DEAF1: variants seen among roughly 807,000 people sequenced by gnomAD.
The protein encoded by DEAF1 is deformed epidermal autoregulatory factor 1 homolog.
Under a neutral mutation model 58.9 loss-of-function variants are expected in DEAF1, and 53 were observed. The observed-to-expected ratio is 0.90, with a 90% CI of 0.72 to 1.13. The LOEUF (loss-of-function observed/expected upper bound fraction) is 1.13. DEAF1 is among the 50% of genes most tolerant of loss of function. DEAF1 has a pLI of 0.00. For synonymous variants in DEAF1, 385 were observed against 340.4 expected, an observed-to-expected ratio of 1.13 and a Z score of -1.44; for missense variants, 685 against 791.4, an observed-to-expected ratio of 0.87 and a Z score of 1.61.
At chr11:691,862 C>G (rs1432913535) in intron 1 of DEAF1, among the ~76,000 whole-genome samples, 1 of 152,178 alleles carries the variant, frequency 6.6e-6, no homozygotes, top group South Asian at 2.1e-4. Flanking sequence ...ATACAACAAA[C>G]CCGCCACCCC....
At chr11:695,944 G>A, upstream of DEAF1, 1 of 963,728 alleles carries the variant, frequency 1.0e-6, no homozygotes, top group Non-Finnish European at 1.3e-6. Flanking sequence ...GCGCTCACGG[G>A]GCCGTGCCAC....
chr11:644,750 G>T lies in DEAF1; in HGVS notation c.1594-96C>A. On this transcript the variant is annotated intron_variant, in intron 11 of 11. Transcript: ENST00000382409. The surrounding 1 kb of genome is among the most constrained non-coding windows in gnomAD (Gnocchi z 4.3). Reference sequence around the variant, plus strand: ...CAGACCCCAGAGGGTGCAGCCCTCTGTAACCTCACCTGGAGGTGCTGAGAA... The same window carrying T: ...CAGACCCCAGAGGGTGCAGCCCTCTTTAACCTCACCTGGAGGTGCTGAGAA... The T allele has an allele frequency of 2.1e-6, 2 of 966,096 alleles. No individual in the cohort carries two copies. Among genetic ancestry groups the T allele is most frequent in the South Asian group, 1.4e-5 (1 of 72,776 alleles). The allele number at this position is 966,096 out of a possible 1,614,324, so 59.8% of individuals were successfully genotyped here.
At chr11:650,082 T>C (rs1010924855) in intron 11 of DEAF1, among the ~76,000 whole-genome samples, 1 of 149,706 alleles carries the variant, frequency 6.7e-6, no homozygotes, top group Non-Finnish European at 1.5e-5. Flanking sequence ...AACACTCCAA[T>C]CAAAAGGCAG....
chr11:703,370 T>G (rs1590040202), intron 1 of DEAF1: 2 of 1,389,168 alleles, frequency 1.4e-6, no homozygotes, highest in Admixed American at 3.3e-5. Context: ...GCGGGGAGGG[T>G]AGGGACCAGA....
rs1859678665 is a variant in DEAF1, at chr11:668,927, G to A, written c.1503+5609C>T. ...TGCAAGCTCTGCCTCCTGGATTCAT[G>A]CCATTCTCCTGCCTCAGCCTCCTGA... On this transcript the variant is annotated intron_variant, in intron 10 of 11. Transcript: ENST00000382409. Among the ~76,000 whole-genome samples, 3 of 152,246 alleles carry A rather than the reference G, an allele frequency of 2.0e-5. No homozygotes were observed. The South Asian group carries it at 6.2e-4, about 32-fold the overall frequency.
chr11:664,046 C>G (rs771505572), intron 10 of DEAF1, among the ~76,000 whole-genome samples: 31 of 152,022 alleles, frequency 2.0e-4, no homozygotes, highest in Non-Finnish European at 3.1e-4. Flanking sequence ...AACCCCATCT[C>G]TACTAAAAAT....
chr11:659,731 C>T (rs958907655), intron 10 of DEAF1, among the ~76,000 whole-genome samples: 3 of 152,198 alleles, frequency 2.0e-5, no homozygotes, highest in Non-Finnish European at 4.4e-5. Context: ...GTTCCAGAGG[C>T]TCCTTTCCCG....
intron 1 of DEAF1, chr11:703,111 C>T (rs758944591): frequency 1.9e-6 from 3 of 1,610,310 alleles, no homozygotes; most frequent in African/African-American, 1.3e-5. Flanking sequence ...GCCTGGAGGC[C>T]GTCCTGCAGG....
intron 1 of DEAF1, among the ~76,000 whole-genome samples, chr11:694,225 G>A (rs1032163515): frequency 2.0e-5 from 3 of 151,730 alleles, no homozygotes; most frequent in African/African-American, 7.3e-5. Flanking sequence ...GAAAAGGGGG[G>A]CAGGGGGCAG....
At chr11:704,369 C>A in intron 1 of DEAF1, 1 of 1,076,232 alleles carries the variant, frequency 9.3e-7, no homozygotes, top group Non-Finnish European at 1.3e-6. Context: ...TCTTTCCTGC[C>A]TGTCTTCGTG....
At chr11:674,857 A>G in intron 9 of DEAF1, 74 bp from the exon 10 acceptor site, 2 of 1,594,606 alleles carry the variant, frequency 1.3e-6, no homozygotes, top group Non-Finnish European at 8.5e-7. Context: ...TCCGTTAAAA[A>G]TTCTCAGCCG....
At chr11:661,698 G>A (rs1021386060) in intron 10 of DEAF1, among the ~76,000 whole-genome samples, 1 of 151,524 alleles carries the variant, frequency 6.6e-6, no homozygotes, top group African/African-American at 2.4e-5. Context: ...CAACAAGAGC[G>A]AAACTCCATC....
At position 674,568 on chromosome 11, in the gene DEAF1, C is replaced by A; in HGVS notation, c.1471G>T (p.Ala491Ser). 1 of 1,614,074 alleles carries A rather than the reference C, an allele frequency of 6.2e-7. No homozygotes were observed. Reference sequence around the variant, plus strand: ...CGCTCTGCGTCAGCGTGGATCTTGGCCTGGTTTGTGGCAGCTTCTCGGTAG... The same window carrying A: ...CGCTCTGCGTCAGCGTGGATCTTGGACTGGTTTGTGGCAGCTTCTCGGTAG... ...STYREAATNQAKIHADAERKE... is the reference protein window; with the variant it reads ...STYREAATNQSKIHADAERKE... Residue 491 changes from alanine (A) to serine (S), a missense_variant, in exon 10 of 12, where the codon GCC (alanine) becomes TCC (serine). This residue lies in a region of DEAF1 where 343 missense variants were observed against 379.8 expected (regional missense o/e 0.90). Transcript: ENST00000382409.
chr11:702,828 C>T (rs768528567), intron 1 of DEAF1: 12 of 1,010,186 alleles, frequency 1.2e-5, no homozygotes, highest in South Asian at 1.8e-5. Flanking sequence ...CCCCAGGCCC[C>T]GGAGGAACGT....
At chr11:659,182 A>G (rs1000699603) in intron 10 of DEAF1, among the ~76,000 whole-genome samples, 1 of 151,454 alleles carries the variant, frequency 6.6e-6, no homozygotes, top group African/African-American at 2.4e-5. Context: ...GCTTGAGCCC[A>G]AGAGTTTAAG....
chr11:680,615 G>C (rs976664422), intron 7 of DEAF1, among the ~76,000 whole-genome samples: 1 of 152,108 alleles, frequency 6.6e-6, no homozygotes, highest in Admixed American at 6.5e-5. Context: ...AGAGCTCTCC[G>C]CAGCCCTCGT....
At chr11:675,910 C>T (rs1241216382) in intron 9 of DEAF1, among the ~76,000 whole-genome samples, 1 of 139,598 alleles carries the variant, frequency 7.2e-6, no homozygotes, top group African/African-American at 2.6e-5. Context: ...CTGACATCCC[C>T]CCAGCACCTG....
At chr11:672,481 G>A (rs563480551) in intron 10 of DEAF1, among the ~76,000 whole-genome samples, 1 of 152,122 alleles carries the variant, frequency 6.6e-6, no homozygotes, top group Admixed American at 6.6e-5. Flanking sequence ...ATCACTGTTC[G>A]TTATGTGCTT....
intron 10 of DEAF1, among the ~76,000 whole-genome samples, chr11:658,471 T>G (rs1302901966): frequency 6.6e-6 from 1 of 152,194 alleles, no homozygotes; most frequent in Admixed American, 6.5e-5. Context: ...GGAAGAGGTG[T>G]GTGTGCGTTG....
Sources: allele counts gnomAD v4.1 joint callset (sites outside exome capture counted in the v4.1 genomes callset), GRCh38; gene constraint gnomAD v4.1.1; regional missense constraint gnomAD v4.1.1; non-coding constraint Gnocchi (gnomAD v3.1); transcripts MANE v1.5; gene names NCBI Gene and HGNC (gene_info 2026-07-23, HGNC 2026-07-21).